DYRK1A: variants seen among roughly 807,000 people sequenced by gnomAD.
The protein encoded by DYRK1A is dual specificity tyrosine-phosphorylation-regulated kinase 1A.
DYRK1A carries 9 observed loss-of-function variants against 79.7 expected under a neutral mutation model. The ratio of observed to expected loss-of-function variants is 0.11; its 90% confidence interval spans 0.07 to 0.20. The LOEUF (loss-of-function observed/expected upper bound fraction) is 0.20. Ranked by LOEUF, DYRK1A falls within the 10% of genes least tolerant of loss-of-function variation. The pLI, the probability that DYRK1A is intolerant of heterozygous loss-of-function variation, is 1.00. For synonymous variants in DYRK1A, 349 were observed against 329.7 expected (o/e 1.06, Z -0.63); for missense variants, 622 against 956.0 (o/e 0.65, Z 4.61).
chr21:37,512,207 A>G lies in DYRK1A; in HGVS notation c.1941A>G (p.Thr647=), dbSNP rs773356976. ...MEVGHSHHSM[T]SLSSSTTSSS... ...TTGGCCACAGTCACCACTCCATGAC[A>G]TCCCTGTCTTCCTCAACGACTTCTT... Residue 647 remains threonine (T), a synonymous_variant, in exon 12 of 12, where the codon ACA becomes ACG. Transcript: ENST00000647188. 1.7e-5 allele frequency: 27 copies of G among 1,614,084 alleles called. No individual in the cohort carries two copies. The highest frequency in any genetic ancestry group is 1.5e-4 in the Admixed American group (9 of 60,000).
At chr21:37,390,420 A>G (rs545588028) in intron 1 of DYRK1A, among the ~76,000 whole-genome samples, 2 of 152,322 alleles carry the variant, frequency 1.3e-5, no homozygotes, top group Admixed American at 6.5e-5. Flanking sequence ...ACATAACAGC[A>G]ATACAGCCAT....
intron 2 of DYRK1A, among the ~76,000 whole-genome samples, chr21:37,420,963 G>T (rs1490575755): frequency 2.0e-5 from 3 of 152,034 alleles, no homozygotes; most frequent in African/African-American, 7.2e-5. Flanking sequence ...ATTTTTGAAA[G>T]AATATTTTTT....
intron 9 of DYRK1A, chr21:37,502,847 AT>A (rs1305616273): frequency 1.3e-5 from 2 of 152,050 alleles, no homozygotes; most frequent in Non-Finnish European, 2.9e-5. Flanking sequence ...GTTTACCTTT[AT>A]TTTTTGGAAG....
intron 3 of DYRK1A, 120 bp downstream of exon 3, chr21:37,473,000 A>C: frequency 1.3e-6 from 1 of 756,012 alleles, no homozygotes; most frequent in African/African-American, 1.8e-5. Context: ...ACGTGGGATT[A>C]TGGATTGGGA....
At chr21:37,475,295 A>C (rs1453967022) in intron 3 of DYRK1A, among the ~76,000 whole-genome samples, 3 of 152,200 alleles carry the variant, frequency 2.0e-5, no homozygotes, top group Non-Finnish European at 4.4e-5. Flanking sequence ...GGTCCTCTGA[A>C]CACCATGGAC....
At chr21:37,368,765 A>T (rs1356076598) in intron 1 of DYRK1A, among the ~76,000 whole-genome samples, 1 of 152,220 alleles carries the variant, frequency 6.6e-6, no homozygotes, top group Non-Finnish European at 1.5e-5. Context: ...GGCTGTAGCC[A>T]GTCTGGAGTT....
chr21:37,478,411 A>G (rs1042770537), intron 4 of DYRK1A, 111 bp downstream of exon 4: 5 of 781,244 alleles, frequency 6.4e-6, no homozygotes, highest in African/African-American at 3.5e-5. Context: ...TGTCATATTG[A>G]TGATTATTAT....
chr21:37,389,549 C>G (rs1459775701), intron 1 of DYRK1A, among the ~76,000 whole-genome samples: 1 of 152,096 alleles, frequency 6.6e-6, no homozygotes, highest in Non-Finnish European at 1.5e-5. Flanking sequence ...TGTTTTCCAT[C>G]ATAGCGTTGT....
chr21:37,463,844 T>C (rs1220900542), intron 2 of DYRK1A, among the ~76,000 whole-genome samples: 1 of 152,240 alleles, frequency 6.6e-6, no homozygotes, highest in African/African-American at 2.4e-5. Flanking sequence ...GCCCTCCTCA[T>C]TTCTTAGTGG....
intron 1 of DYRK1A, among the ~76,000 whole-genome samples, chr21:37,415,913 T>A (rs1244638487): frequency 1.3e-5 from 2 of 152,178 alleles, no homozygotes; most frequent in Non-Finnish European, 2.9e-5. Flanking sequence ...GAGCTCTTGT[T>A]TTTTCATGTT....
intron 2 of DYRK1A, among the ~76,000 whole-genome samples, chr21:37,447,942 A>G (rs1477493364): frequency 1.3e-5 from 2 of 152,240 alleles, no homozygotes; most frequent in Non-Finnish European, 2.9e-5. Flanking sequence ...TAACAAGTTT[A>G]TGTAAATTAG....
chr21:37,411,219 G>A (rs1415278038), intron 1 of DYRK1A, among the ~76,000 whole-genome samples: 1 of 151,942 alleles, frequency 6.6e-6, no homozygotes, highest in Non-Finnish European at 1.5e-5. Flanking sequence ...AGCCAGGCGT[G>A]ATGGTGTGTG....
At chr21:37,427,671 C>A (rs1375165550) in intron 2 of DYRK1A, among the ~76,000 whole-genome samples, 1 of 152,144 alleles carries the variant, frequency 6.6e-6, no homozygotes, top group Admixed American at 6.5e-5. Flanking sequence ...AGCATATGTA[C>A]ATTTTAAAGC....
chr21:37,462,919 T>C (rs958259798), intron 2 of DYRK1A, among the ~76,000 whole-genome samples: 1 of 152,214 alleles, frequency 6.6e-6, no homozygotes, highest in African/African-American at 2.4e-5. Context: ...TTTAGTTGTT[T>C]ATGATGAATG....
At chr21:37,438,563 A>G (rs908597558) in intron 2 of DYRK1A, among the ~76,000 whole-genome samples, 12 of 152,178 alleles carry the variant, frequency 7.9e-5, no homozygotes, top group Admixed American at 6.5e-4. Context: ...TTTATTGTAG[A>G]ACCATTTGTC....
intron 1 of DYRK1A, among the ~76,000 whole-genome samples, chr21:37,380,024 T>C (rs1006103907): frequency 6.6e-6 from 1 of 152,234 alleles, no homozygotes; most frequent in Non-Finnish European, 1.5e-5. Flanking sequence ...AGATACAAAT[T>C]AAATTTTCCT....
chr21:37,441,309 G>A (rs981493725), intron 2 of DYRK1A, among the ~76,000 whole-genome samples: 2 of 151,950 alleles, frequency 1.3e-5, no homozygotes, highest in African/African-American at 4.8e-5. Context: ...ACATATAGTT[G>A]ACTTGCTTTT....
At chr21:37,458,471 C>G (rs2051732390) in intron 2 of DYRK1A, among the ~76,000 whole-genome samples, 1 of 152,086 alleles carries the variant, frequency 6.6e-6, no homozygotes, top group South Asian at 2.1e-4. Flanking sequence ...GGCACATTTC[C>G]TGTCCCCTGG....
At position 37,401,099 on chromosome 21, in the gene DYRK1A, G is replaced by T. The variant is rs1272961515; in HGVS notation, c.-76-19200G>T. ...GTGGAGGTTGTAGTGAGCTGAGATC[G>T]TGCCACTGCACTCCAGCTTGGGCGA... On this transcript the variant is annotated intron_variant, in intron 1 of 11. Coordinates refer to ENST00000647188, the MANE Select transcript of DYRK1A (RefSeq NM_001347721.2). Among the ~76,000 whole-genome samples, 3 of 152,052 alleles carry T rather than the reference G, an allele frequency of 2.0e-5. 1 individual carries two copies.
Sources: gnomAD v4.1 joint callset for allele counts (sites outside exome capture counted in the v4.1 genomes callset) on GRCh38, gnomAD v4.1.1 for gene constraint, MANE v1.5 for transcripts, NCBI Gene and HGNC (gene_info 2026-07-23, HGNC 2026-07-21) for gene names.